ATXN1: variants seen among roughly 807,000 people sequenced by gnomAD.
The protein encoded by ATXN1 is ataxin-1.
Under a neutral mutation model 56.4 loss-of-function variants are expected in ATXN1, and 8 were observed. The ratio of observed to expected loss-of-function variants is 0.14; its 90% CI spans 0.08 to 0.26. ATXN1 has a LOEUF of 0.26. ATXN1 is among the 10% of genes least tolerant of loss of function. The probability of loss-of-function intolerance (pLI) is 1.00; values close to 1 mark genes in which losing one functional copy is unlikely to be tolerated. For synonymous variants in ATXN1, 514 were observed against 494.6 expected (o/e 1.04, Z -0.52); for missense variants, 987 against 1,106.5 (o/e 0.89, Z 1.53).
intron 4 of ATXN1, among the ~76,000 whole-genome samples, chr6:16,566,944 A>G (rs2113745876): frequency 6.6e-6 from 1 of 152,292 alleles, no homozygotes; most frequent in Middle Eastern, 3.4e-3. Flanking sequence ...AACTCCTGGC[A>G]TCGTAAGTTG....
intron 2 of ATXN1, among the ~76,000 whole-genome samples, chr6:16,679,315 G>GAT (rs1159119949): frequency 6.7e-6 from 1 of 148,462 alleles, no homozygotes; most frequent in African/African-American, 2.5e-5. Context: ...TGGATGGATG[G>GAT]ATATATGGGT....
intron 5 of ATXN1, among the ~76,000 whole-genome samples, chr6:16,487,750 AG>A (rs1203696689): frequency 3.3e-5 from 5 of 152,204 alleles, no homozygotes; most frequent in African/African-American, 1.2e-4. Flanking sequence ...AAAACTGGAT[AG>A]GCAATATGAA....
At chr6:16,402,772 G>A (rs1314984687) in intron 6 of ATXN1, among the ~76,000 whole-genome samples, 1 of 152,182 alleles carries the variant, frequency 6.6e-6, no homozygotes, top group Non-Finnish European at 1.5e-5. Context: ...GCCCAGGGCT[G>A]TTGTCTCACT....
chr6:16,583,941 A>C (rs1342760424), intron 4 of ATXN1, among the ~76,000 whole-genome samples: 1 of 152,094 alleles, frequency 6.6e-6, no homozygotes, highest in Non-Finnish European at 1.5e-5. Context: ...ACATTTGTTT[A>C]CTTCTATATT....
At chr6:16,401,890 A>C (rs1249298111) in intron 6 of ATXN1, among the ~76,000 whole-genome samples, 5 of 152,222 alleles carry the variant, frequency 3.3e-5, no homozygotes, top group African/African-American at 4.8e-5. Context: ...AATTTACAAA[A>C]GAAAGAGGTT....
intron 4 of ATXN1, among the ~76,000 whole-genome samples, chr6:16,536,836 G>A (rs148743788): frequency 5.3e-5 from 8 of 152,258 alleles, no homozygotes; most frequent in African/African-American, 1.9e-4. Flanking sequence ...TATTCCACAT[G>A]GACCCTCCAA....
At chr6:16,524,488 T>C (rs541889873) in intron 4 of ATXN1, among the ~76,000 whole-genome samples, 1 of 152,312 alleles carries the variant, frequency 6.6e-6, no homozygotes, top group East Asian at 1.9e-4. Flanking sequence ...CGAAAACTGA[T>C]TTCAAAGTCA....
chr6:16,572,885 T>C (rs1299369285), intron 4 of ATXN1, among the ~76,000 whole-genome samples: 1 of 152,240 alleles, frequency 6.6e-6, no homozygotes, highest in East Asian at 1.9e-4. Flanking sequence ...GCATCCTCTA[T>C]CTTGGCAGAG....
chr6:16,531,091 A>T (rs1043905601), intron 4 of ATXN1, among the ~76,000 whole-genome samples: 27 of 152,206 alleles, frequency 1.8e-4, no homozygotes, highest in African/African-American at 5.8e-4. Flanking sequence ...AAATTCCCAA[A>T]TTGGCAATCA....
chr6:16,560,014 C>A (rs1173441784), intron 4 of ATXN1, among the ~76,000 whole-genome samples: 1 of 152,140 alleles, frequency 6.6e-6, no homozygotes, highest in South Asian at 2.1e-4. Flanking sequence ...CCTCCAAGAC[C>A]AAGTGGATAA....
intron 2 of ATXN1, among the ~76,000 whole-genome samples, chr6:16,705,253 C>T (rs994826972): frequency 6.6e-6 from 1 of 152,170 alleles, no homozygotes; most frequent in Non-Finnish European, 1.5e-5. Flanking sequence ...TACTGTTTTG[C>T]TCACCCCACA....
intron 5 of ATXN1, among the ~76,000 whole-genome samples, chr6:16,507,382 G>A (rs968984640): frequency 2.0e-5 from 3 of 152,196 alleles, no homozygotes; most frequent in Admixed American, 6.5e-5. Context: ...ACTCTGAAAC[G>A]TTCCTCATGC....
intron 6 of ATXN1, among the ~76,000 whole-genome samples, chr6:16,348,290 C>G (rs1385378255): frequency 6.6e-6 from 1 of 152,124 alleles, no homozygotes; most frequent in Non-Finnish European, 1.5e-5. Context: ...GTCTCAAACT[C>G]CTGGGCTTAA....
In ATXN1 at chr6:16,515,486, T is replaced by A. The variant is rs377393625; in HGVS notation, c.-299+7141A>T. ...CTGGGAATCTGTCAGTGGCTGGGAC[T>A]CAGTCCTCCTCGCAGGCAGGTTTCT... On this transcript the variant is annotated intron_variant, in intron 5 of 7. Transcript: ENST00000436367. Among the ~76,000 whole-genome samples the A allele has an allele frequency of 5.9e-5, 9 of 152,250 alleles. No homozygotes were observed. In the East Asian group the frequency reaches 1.4e-3, roughly 23 times the overall value.
At chr6:16,502,546 G>A (rs932149343) in intron 5 of ATXN1, among the ~76,000 whole-genome samples, 3 of 152,178 alleles carry the variant, frequency 2.0e-5, no homozygotes, top group African/African-American at 7.2e-5. Context: ...GCTATAGACC[G>A]TAAAGAAACA....
chr6:16,478,905 G>A (rs1760380510), intron 6 of ATXN1, among the ~76,000 whole-genome samples: 1 of 152,192 alleles, frequency 6.6e-6, no homozygotes, highest in African/African-American at 2.4e-5. Flanking sequence ...GTAACCAACA[G>A]CCTGGGACCT....
At chr6:16,440,049 TGGGGGACAAGAGCAA>T (rs1759482591) in intron 6 of ATXN1, among the ~76,000 whole-genome samples, 1 of 142,944 alleles carries the variant, frequency 7.0e-6, no homozygotes, top group Non-Finnish European at 1.5e-5. Flanking sequence ...CACTCCAGCC[TGGGGGACAAGAGCAA>T]GACTTCGTCT....
chr6:16,354,676 A>G (rs1308005955), intron 6 of ATXN1, among the ~76,000 whole-genome samples: 1 of 152,232 alleles, frequency 6.6e-6, no homozygotes, highest in Non-Finnish European at 1.5e-5. Context: ...ATAATTATCT[A>G]CACTTTGAGG....
intron 3 of ATXN1, among the ~76,000 whole-genome samples, chr6:16,627,758 C>G (rs923372744): frequency 6.6e-6 from 1 of 151,968 alleles, no homozygotes; most frequent in Non-Finnish European, 1.5e-5. Context: ...AAACAGGATC[C>G]TCTCTCAGCA....
Sources: gnomAD v4.1 joint callset for allele counts (sites outside exome capture counted in the v4.1 genomes callset) on GRCh38, gnomAD v4.1.1 for gene constraint, MANE v1.5 for transcripts, NCBI Gene and HGNC (gene_info 2026-07-23, HGNC 2026-07-21) for gene names.